Variants in DTNA observed in about 807,000 individuals in gnomAD.
DTNA encodes the protein dystrophin-related protein 3.
In DTNA, 43 loss-of-function variants were observed where a neutral mutation model predicts 100.7. That is an observed-to-expected ratio of 0.43 (90% CI 0.33 to 0.55). The LOEUF is 0.55. Ranked by LOEUF, DTNA falls within the 20% of genes least tolerant of loss-of-function variation. The pLI, the probability that DTNA is intolerant of heterozygous loss-of-function variation, is 0.04. For missense variants in DTNA, 798 were observed against 953.9 expected (o/e 0.84, Z 2.15); for synonymous variants, 349 against 347.9 (o/e 1.00, Z -0.04).
intron 9 of DTNA, chr18:34,821,150 A>C (rs1487039839): frequency 1.5e-6 from 1 of 654,640 alleles, no homozygotes; most frequent in African/African-American, 1.8e-5. Context: ...GGAGGTGGAA[A>C]ATATTTCAGA....
intron 1 of DTNA, among the ~76,000 whole-genome samples, chr18:34,568,767 G>C (rs2047312262): frequency 6.6e-6 from 1 of 152,090 alleles, no homozygotes; most frequent in Non-Finnish European, 1.5e-5. Flanking sequence ...GGGAGTACAG[G>C]CACGTACCAC....
chr18:34,520,901 G>A (rs529356966), intron 1 of DTNA, among the ~76,000 whole-genome samples: 2 of 152,104 alleles, frequency 1.3e-5, no homozygotes, highest in South Asian at 2.1e-4. Flanking sequence ...TGAGTCCCCC[G>A]GCTCCCATAT....
At chr18:34,747,794 C>A (rs897985937) in intron 1 of DTNA, among the ~76,000 whole-genome samples, 3 of 152,068 alleles carry the variant, frequency 2.0e-5, no homozygotes, top group African/African-American at 4.8e-5. Flanking sequence ...AATTGTGCTG[C>A]AAATTGTGTC....
intron 1 of DTNA, among the ~76,000 whole-genome samples, chr18:34,623,456 C>G (rs2056853564): frequency 6.6e-6 from 1 of 152,128 alleles, no homozygotes; most frequent in Admixed American, 6.6e-5. Context: ...CTTGTTTGTA[C>G]AAAGTCACTT....
chr18:34,680,787 G>C (rs2077994944), intron 1 of DTNA, among the ~76,000 whole-genome samples: 1 of 152,056 alleles, frequency 6.6e-6, no homozygotes. Context: ...AGTTACTCTA[G>C]AAGAAAAAAA....
intron 3 of DTNA, among the ~76,000 whole-genome samples, chr18:34,776,833 C>G (rs1338344754): frequency 6.6e-6 from 1 of 152,154 alleles, no homozygotes; most frequent in African/African-American, 2.4e-5. Context: ...TCATCTCCTC[C>G]CACTCTCCTA....
intron 19 of DTNA, 111 bp from the exon 20 acceptor site, chr18:34,879,440 C>A: frequency 1.9e-6 from 2 of 1,029,430 alleles, no homozygotes; most frequent in Non-Finnish European, 2.9e-6. Flanking sequence ...AATATGATAA[C>A]TGGTTAACAT....
intron 1 of DTNA, among the ~76,000 whole-genome samples, chr18:34,547,906 A>G (rs533666164): frequency 6.4e-4 from 97 of 152,308 alleles, no homozygotes; most frequent in African/African-American, 2.2e-3. Flanking sequence ...AATCACAGCA[A>G]CCAACTAAGT....
At chr18:34,875,174 G>T (rs1182328781) in intron 17 of DTNA, 65 bp from the exon 18 acceptor site, 2 of 1,589,746 alleles carry the variant, frequency 1.3e-6, no homozygotes, top group East Asian at 2.2e-5. Flanking sequence ...ATCAACTGAG[G>T]CATTGGGGAT....
At chr18:34,517,970 T>A (rs2041814206) in intron 1 of DTNA, among the ~76,000 whole-genome samples, 1 of 152,304 alleles carries the variant, frequency 6.6e-6, no homozygotes, top group African/African-American at 2.4e-5. Flanking sequence ...TGCCCAACAG[T>A]GCAATTGCTG....
chr18:34,505,016 G>A (rs980759067), intron 1 of DTNA, among the ~76,000 whole-genome samples: 10 of 152,140 alleles, frequency 6.6e-5, no homozygotes, highest in African/African-American at 2.4e-4. Context: ...TATGGCTGCT[G>A]TAACAAATTA....
At chr18:34,737,337 G>T (rs2089809539) in intron 1 of DTNA, among the ~76,000 whole-genome samples, 2 of 152,182 alleles carry the variant, frequency 1.3e-5, no homozygotes, top group Non-Finnish European at 2.9e-5. Flanking sequence ...TAAAGTGATT[G>T]TGAAGCCTCA....
rs2095327096 is a variant in DTNA, at chr18:34,805,082, T to C, written c.363-1137T>C. 5.3e-5 allele frequency among the ~76,000 whole-genome samples: 8 copies of C among 152,362 alleles called. No individual in the cohort carries two copies. The South Asian group carries it at 1.7e-3, about 32-fold the overall frequency. On this transcript the variant is annotated intron_variant, in intron 4 of 22. Transcript: ENST00000444659. ...CACATTATTATTTTAAATAACTCTTTTGACCATTCTTAAGATTAGCAACTA... is the reference window on the plus strand; with the variant it reads ...CACATTATTATTTTAAATAACTCTTCTGACCATTCTTAAGATTAGCAACTA...
chr18:34,818,353 C>A, intron 8 of DTNA, 23 bp downstream of exon 8: 1 of 1,611,926 alleles, frequency 6.2e-7, no homozygotes, highest in Non-Finnish European at 8.5e-7. Context: ...CCAGGCAATA[C>A]TTGGAGTTGG....
intron 1 of DTNA, among the ~76,000 whole-genome samples, chr18:34,624,820 T>C (rs936390043): frequency 2.0e-5 from 3 of 152,170 alleles, no homozygotes; most frequent in Non-Finnish European, 2.9e-5. Context: ...TCTGAAAGTA[T>C]TGCAGGGAAT....
intron 1 of DTNA, among the ~76,000 whole-genome samples, chr18:34,533,731 A>G (rs2043392498): frequency 6.6e-6 from 1 of 152,162 alleles, no homozygotes; most frequent in Admixed American, 6.6e-5. Context: ...TATATAAACC[A>G]TACAAGAAAC....
chr18:34,751,511 C>G (rs147939293), intron 1 of DTNA, among the ~76,000 whole-genome samples: 338 of 152,318 alleles, frequency 2.2e-3, no homozygotes, highest in African/African-American at 8.0e-3. Context: ...AGATTTGATG[C>G]CTGTTAATCT....
At chr18:34,769,912 G>A (rs930224339) in intron 3 of DTNA, among the ~76,000 whole-genome samples, 14 of 151,458 alleles carry the variant, frequency 9.2e-5, no homozygotes, top group Non-Finnish European at 2.1e-4. Context: ...GTACAGACAG[G>A]GTTTCACCAT....
intron 1 of DTNA, among the ~76,000 whole-genome samples, chr18:34,712,427 TC>T (rs2083086207): frequency 6.6e-6 from 1 of 152,124 alleles, no homozygotes; most frequent in Admixed American, 6.5e-5. Context: ...GTTGTCTCAG[TC>T]TTTGTAGTTA....
Sources: gnomAD v4.1 joint callset for allele counts (sites outside exome capture counted in the v4.1 genomes callset) on GRCh38, gnomAD v4.1.1 for gene constraint, MANE v1.5 for transcripts, NCBI Gene and HGNC (gene_info 2026-07-23, HGNC 2026-07-21) for gene names.